The following TSC22D2 variants were observed in gnomAD, a reference collection of about 807,000 sequenced individuals.
TSC22D2 encodes TSC22 domain family protein 2.
TSC22D2 carries 5 observed loss-of-function variants against 50.1 expected under a neutral mutation model. The ratio of observed to expected loss-of-function variants is 0.10; its 90% CI spans 0.05 to 0.21. The LOEUF is 0.21. TSC22D2 is among the 10% of genes least tolerant of loss of function. The pLI, the probability that TSC22D2 is intolerant of heterozygous loss-of-function variation, is 1.00. For missense variants in TSC22D2, 1,003 were observed against 1,015.5 expected (o/e 0.99, Z 0.17); for synonymous variants, 501 against 450.1 (o/e 1.11, Z -1.43).
intron 1 of TSC22D2, chr3:150,422,938 A>G: frequency 1.4e-6 from 1 of 702,660 alleles, no homozygotes; most frequent in East Asian, 2.9e-5. Flanking sequence ...TCTTTTTATT[A>G]TTAAAAGTTA....
chr3:150,448,876 G>GTATA (rs34210756), intron 1 of TSC22D2, among the ~76,000 whole-genome samples: 4,730 of 146,868 alleles, frequency 0.032, 101 homozygotes, highest in Non-Finnish European at 0.037. Context: ...TTTTAATCTT[G>GTATA]TATATATATA....
chr3:150,464,189 C>G lies in TSC22D2; in HGVS notation c.*5553C>G, dbSNP rs1250861498. The G allele has an allele frequency of 6.6e-6, 1 of 152,118 alleles. No homozygotes were observed. Among genetic ancestry groups the G allele is most frequent in the Non-Finnish European group, 1.5e-5 (1 of 68,042 alleles). The allele number at this position is 152,118 out of a possible 1,614,324, so 9.4% of individuals were successfully genotyped here. On this transcript the variant is annotated 3_prime_UTR_variant, in exon 3 of 3. Transcript: ENST00000688009. Reference sequence around the variant, plus strand: ...AACAACTGTAAAATACTCTTGCCTGCTGCAATCCAAATGTTATCCGGATCA... The same window carrying G: ...AACAACTGTAAAATACTCTTGCCTGGTGCAATCCAAATGTTATCCGGATCA...
chr3:150,416,696 A>G (rs1007504453), intron 1 of TSC22D2, among the ~76,000 whole-genome samples: 2 of 152,162 alleles, frequency 1.3e-5, no homozygotes, highest in Non-Finnish European at 2.9e-5. Flanking sequence ...AACAGTAGCC[A>G]GTTTGCACCA....
rs531607808 is a variant in TSC22D2 at position 150,464,904 on chromosome 3, G to A, written c.*6268G>A. 6.6e-6 allele frequency: 1 copy of A among 152,312 alleles called. No homozygotes were observed. The highest frequency in any genetic ancestry group is 2.4e-5 in the African/African-American group (1 of 41,580). The allele number at this position is 152,312 out of a possible 1,614,324, so 9.4% of individuals were successfully genotyped here. A position where few individuals can be genotyped will look rare whatever the true frequency, so the allele number is the denominator to read the frequency against. On this transcript the variant is annotated 3_prime_UTR_variant, in exon 3 of 3. Transcript: ENST00000688009. ...AACTAGAATAGGATTCATGTGTCAT[G>A]AATTATATTGTCTATTGTCTCATAA...
At chr3:150,435,154 T>C (rs1361333584) in intron 1 of TSC22D2, among the ~76,000 whole-genome samples, 1 of 151,890 alleles carries the variant, frequency 6.6e-6, no homozygotes, top group Non-Finnish European at 1.5e-5. Context: ...ATTTTTGTAT[T>C]TTTTAGTAGA....
At position 150,459,572 on chromosome 3, in the gene TSC22D2, G is replaced by GTTTTTTTTTTTTTGTTTTTTTT. The variant is rs1721312726; in HGVS notation, c.*951_*952insTTTTTTTTTTTTTTTTTTTTGT. The GTTTTTTTTTTTTTGTTTTTTTT allele has an allele frequency of 8.7e-6, 1 of 115,560 alleles. No individual in the cohort carries two copies. The highest frequency in any genetic ancestry group is 1.8e-5 in the Non-Finnish European group (1 of 55,828). 7.2% of individuals were successfully genotyped at this position (115,560 alleles called of 1,614,324 possible). On this transcript the variant is annotated 3_prime_UTR_variant, in exon 3 of 3. Transcript: ENST00000688009. ...TAATGGAGTTTGGTTTTTTTTTGTTGTTTTTTTTTTTTTGTCTTTTTTTTT... is the reference window on the plus strand; with the variant it reads ...TAATGGAGTTTGGTTTTTTTTTGTTGTTTTTTTTTTTTTGTTTTTTTTTTTTTTTTTTTTTGTCTTTTTTTTT...
At chr3:150,427,763 C>T (rs186450625) in intron 1 of TSC22D2, among the ~76,000 whole-genome samples, 5 of 151,724 alleles carry the variant, frequency 3.3e-5, no homozygotes, top group Admixed American at 1.3e-4. Context: ...TTTATTCTTC[C>T]TCCCTCCCTC....
At chr3:150,417,974 T>G (rs1719876893) in intron 1 of TSC22D2, among the ~76,000 whole-genome samples, 2 of 152,106 alleles carry the variant, frequency 1.3e-5, no homozygotes, top group South Asian at 4.1e-4. Context: ...TTTTTGAGAC[T>G]TTGTCAAATT....
In TSC22D2 at chr3:150,410,683, C is replaced by G. The variant is rs1359415954; in HGVS notation, c.1333C>G (p.Gln445Glu). 3.2e-6 allele frequency: 5 copies of G among 1,562,260 alleles called. No homozygotes were observed. Among genetic ancestry groups the G allele is most frequent in the Non-Finnish European group, 4.3e-6 (5 of 1,155,708 alleles). The change falls in exon 1 of 3, where the codon CAA (glutamine) becomes GAA (glutamate). Residue 445 changes from glutamine (Q) to glutamate (E), a missense_variant. Around this residue, in one of 6 missense-constraint regions of TSC22D2, gnomAD observed 696 missense variants for 647.8 expected, o/e 1.07. Transcript: ENST00000688009. ...CATGGCCCCCCGGACGGGACCAGCG[C>G]AAGGCGGGCAGGTCGCGCCTTGTCA... ...EAMAPRTGPA[Q>E]GGQVAPCQPT...
At chr3:150,450,805 C>T (rs1192512535) in intron 1 of TSC22D2, among the ~76,000 whole-genome samples, 1 of 152,052 alleles carries the variant, frequency 6.6e-6, no homozygotes, top group African/African-American at 2.4e-5. Context: ...CAGTGACTCG[C>T]ATTTTCTTAA....
At position 150,408,383 on chromosome 3, in the gene TSC22D2, G is replaced by A. The variant is rs1252671145; in HGVS notation, c.-968G>A. On this transcript the variant is annotated 5_prime_UTR_variant, in exon 1 of 3. Transcript: ENST00000688009. ...TTCAGCCCCATCTTGGCCCAGCGGAGGGAGCTGCAGCCGCCGCTTCAGCAG... is the reference window on the plus strand; with the variant it reads ...TTCAGCCCCATCTTGGCCCAGCGGAAGGAGCTGCAGCCGCCGCTTCAGCAG... 2 of 152,878 alleles carry A rather than the reference G, an allele frequency of 1.3e-5. No individual in the cohort carries two copies. Among genetic ancestry groups the A allele is most frequent in the Non-Finnish European group, 2.9e-5 (2 of 68,226 alleles). The allele number at this position is 152,878 out of a possible 1,614,324, so 9.5% of individuals were successfully genotyped here. A position where few individuals can be genotyped will look rare whatever the true frequency, so the allele number is the denominator to read the frequency against.
chr3:150,452,003 T>G (rs1475571603), intron 1 of TSC22D2, among the ~76,000 whole-genome samples: 7 of 152,138 alleles, frequency 4.6e-5, no homozygotes, highest in Non-Finnish European at 1.0e-4. Flanking sequence ...ACCGTGGGCT[T>G]GCTTTCTTTT....
At chr3:150,412,093 G>A (rs1331317658) in intron 1 of TSC22D2, among the ~76,000 whole-genome samples, 1 of 152,058 alleles carries the variant, frequency 6.6e-6, no homozygotes, top group Non-Finnish European at 1.5e-5. Flanking sequence ...CCTGTATTTA[G>A]GGATGCTTTT....
chr3:150,446,093 C>CAAA (rs34550896), intron 1 of TSC22D2, among the ~76,000 whole-genome samples: 7 of 104,034 alleles, frequency 6.7e-5, no homozygotes, highest in Non-Finnish European at 9.6e-5. Context: ...GACTCCATCT[C>CAAA]AAAAAAAAAA....
In TSC22D2 at chr3:150,434,618, G is replaced by T. The variant is rs540683964; in HGVS notation, c.1959-22458G>T. ...TAAGCTGTTTCTACTCCTTTGAAAG[G>T]ATCAAGTGTATAAATCATTTGAGAG... On this transcript the variant is annotated intron_variant, in intron 1 of 2. Transcript: ENST00000688009. Among the ~76,000 whole-genome samples the T allele has an allele frequency of 5.3e-5, 8 of 152,076 alleles. No homozygotes were observed. In the East Asian group the frequency reaches 1.5e-3, roughly 29 times the overall value.
At chr3:150,428,694 G>A (rs1720279748) in intron 1 of TSC22D2, among the ~76,000 whole-genome samples, 2 of 151,914 alleles carry the variant, frequency 1.3e-5, no homozygotes, top group Admixed American at 1.3e-4. Flanking sequence ...GTGATTTTAG[G>A]TGATGTTGAA....
Position 150,411,075 on chromosome 3 carries a change from T to C in TSC22D2, c.1725T>C (p.Ser575=). ...GCGCACCAACAAGTCTACCACAGTCTGACCTAAGCCAGTTTCAAACTCAGA... is the reference window on the plus strand; with the variant it reads ...GCGCACCAACAAGTCTACCACAGTCCGACCTAAGCCAGTTTCAAACTCAGA... The part of the protein sequence containing the change: ...THSAPTSLPQ[S]DLSQFQTQTQ... Residue 575 remains serine, a synonymous_variant, in exon 1 of 3, where the codon TCT becomes TCC. Coordinates refer to ENST00000688009, the MANE Select transcript of TSC22D2 (RefSeq NM_001303264.2). The C allele has an allele frequency of 6.2e-7, 1 of 1,614,218 alleles. No homozygotes were observed. The highest frequency in any genetic ancestry group is 2.2e-5 in the East Asian group (1 of 44,888).
chr3:150,459,572 G>GTTTTTTTTTTTTTTT lies in TSC22D2; in HGVS notation c.*949_*950insTTTTTTTTTTTTTTT, dbSNP rs11330414. On this transcript the variant is annotated 3_prime_UTR_variant, in exon 3 of 3. Transcript: ENST00000688009. ...TAATGGAGTTTGGTTTTTTTTTGTT[G>GTTTTTTTTTTTTTTT]TTTTTTTTTTTTTGTCTTTTTTTTT... is the stretch of plus-strand genomic sequence containing the variant. 8.7e-5 allele frequency: 10 copies of GTTTTTTTTTTTTTTT among 115,556 alleles called. No individual in the cohort carries two copies. Among genetic ancestry groups the GTTTTTTTTTTTTTTT allele is most frequent in the Non-Finnish European group, 1.4e-4 (8 of 55,826 alleles). The allele number at this position is 115,556 out of a possible 1,614,324, so 7.2% of individuals were successfully genotyped here.
chr3:150,440,029 A>G (rs1720667079), intron 1 of TSC22D2, among the ~76,000 whole-genome samples: 1 of 152,196 alleles, frequency 6.6e-6, no homozygotes, highest in African/African-American at 2.4e-5. Context: ...ACATTATCTC[A>G]TTTAATTTTC....
Sources: allele counts gnomAD v4.1 joint callset (sites outside exome capture counted in the v4.1 genomes callset), GRCh38; gene constraint gnomAD v4.1.1; regional missense constraint gnomAD v4.1.1; transcripts MANE v1.5; gene names NCBI Gene and HGNC (gene_info 2026-07-23, HGNC 2026-07-21).